The following NPHP4 variants were observed in gnomAD, a reference collection of about 807,000 sequenced individuals.
NPHP4 encodes the protein nephrocystin-4.
A neutral mutation model predicts 155.8 loss-of-function variants in NPHP4; 151 were observed. The observed-to-expected ratio is 0.97, with a 90% confidence interval of 0.85 to 1.11. NPHP4 has a LOEUF of 1.11. Ranked by LOEUF, NPHP4 falls within the 50% of genes least tolerant of loss-of-function variation. The pLI is 0.00. For missense variants in NPHP4, 1,956 were observed against 1,925.7 expected, an observed-to-expected ratio of 1.02 and a Z score of -0.29; for synonymous variants, 845 against 816.8, an observed-to-expected ratio of 1.03 and a Z score of -0.59.
chr1:5,982,695 T>A (rs1395340449), intron 2 of NPHP4, among the ~76,000 whole-genome samples: 1 of 152,260 alleles, frequency 6.6e-6, no homozygotes, highest in Non-Finnish European at 1.5e-5. Flanking sequence ...AAGCTATACA[T>A]TTCCCTCAAA....
chr1:5,893,285 C>T (rs11122104), intron 16 of NPHP4, among the ~76,000 whole-genome samples: 19,456 of 152,122 alleles, frequency 0.13, 1,454 homozygotes, highest in Non-Finnish European at 0.17. Context: ...GGGACCACTA[C>T]CACCAATGCG....
chr1:5,888,584 G>C (rs757143315), intron 17 of NPHP4: 1 of 1,350,770 alleles, frequency 7.4e-7, no homozygotes, highest in Non-Finnish European at 9.8e-7. Flanking sequence ...TCAGTCACTG[G>C]GAGACTGAGA....
chr1:5,934,287 G>A (rs569202912), intron 9 of NPHP4, among the ~76,000 whole-genome samples: 1 of 152,218 alleles, frequency 6.6e-6, no homozygotes, highest in African/African-American at 2.4e-5. Context: ...CAGCGGGTCC[G>A]ACCAGGAGCC....
intron 5 of NPHP4, among the ~76,000 whole-genome samples, chr1:5,964,941 A>ATATATATATATTTTTTTTTTTTTTTTTT: frequency 5.0e-5 from 3 of 59,416 alleles, no homozygotes; most frequent in African/African-American, 2.5e-4. Context: ...ATATATATAT[A>ATATATATATATTTTTTTTTTTTTTTTTT]TTTTTTTTTT....
chr1:5,867,545 C>T lies in NPHP4; in HGVS notation c.3472+195G>A. On this transcript the variant is annotated intron_variant, in intron 24 of 29. Coordinates refer to ENST00000378156, the MANE Select transcript of NPHP4 (RefSeq NM_015102.5). This position sits in a 1 kb window ranked among gnomAD's most constrained non-coding sequence, Gnocchi z 4.1. ...GCAGACTCAGCCGGCAAATGCGCAC[C>T]TAGTCATCTCAGAGGTGGCAAGAGG... The T allele has an allele frequency of 3.2e-6, 2 of 629,996 alleles. No individual in the cohort carries two copies. The highest frequency in any genetic ancestry group is 4.0e-5 in the South Asian group (2 of 50,216). The allele number at this position is 629,996 out of a possible 1,614,324, so 39.0% of individuals were successfully genotyped here.
intron 13 of NPHP4, among the ~76,000 whole-genome samples, chr1:5,906,361 G>A (rs1425236546): frequency 6.6e-6 from 1 of 152,242 alleles, no homozygotes; most frequent in Non-Finnish European, 1.5e-5. Flanking sequence ...TGGCTTGGGA[G>A]TTGGGAATGT....
chr1:5,869,246 CA>C (rs1641737159), intron 23 of NPHP4, among the ~76,000 whole-genome samples: 1 of 151,464 alleles, frequency 6.6e-6, no homozygotes, highest in Non-Finnish European at 1.5e-5. Context: ...CACACACACA[CA>C]CACACATGCA....
chr1:5,947,495 A>T (rs1050555472), intron 8 of NPHP4, among the ~76,000 whole-genome samples: 26 of 152,366 alleles, frequency 1.7e-4, no homozygotes, highest in African/African-American at 6.0e-4. Context: ...CTCCCGCCTC[A>T]GCCTCTCATT....
At chr1:5,933,066 A>G in intron 10 of NPHP4, 81 bp downstream of exon 10, 1 of 1,145,544 alleles carries the variant, frequency 8.7e-7, no homozygotes. Flanking sequence ...CTGCAAACAT[A>G]TTTGTGAACT....
chr1:5,947,886 G>A (rs576145287), intron 8 of NPHP4, among the ~76,000 whole-genome samples, 184 bp downstream of exon 8: 1 of 152,284 alleles, frequency 6.6e-6, no homozygotes, highest in East Asian at 1.9e-4. Context: ...AAAAAAAAGG[G>A]GGGGGCTTTT....
At chr1:5,888,729 G>A (rs748747349) in intron 17 of NPHP4, 9 of 693,592 alleles carry the variant, frequency 1.3e-5, no homozygotes, top group East Asian at 5.8e-5. Context: ...GGCCACTGGC[G>A]ACTGGTTTAA....
chr1:5,920,735 C>T (rs1345181980), intron 11 of NPHP4, among the ~76,000 whole-genome samples: 2 of 152,136 alleles, frequency 1.3e-5, no homozygotes, highest in Non-Finnish European at 2.9e-5. Context: ...TCTTTCTAAT[C>T]TTCTCATCTT....
intron 18 of NPHP4, among the ~76,000 whole-genome samples, chr1:5,886,047 C>A (rs1182635358): frequency 1.3e-5 from 2 of 152,236 alleles, no homozygotes; most frequent in Non-Finnish European, 2.9e-5. Context: ...TGGAGGCAAT[C>A]TTTCTTCTGA....
Position 5,867,733 on chromosome 1 carries a change from G to A in NPHP4, c.3472+7C>T, listed in dbSNP as rs778192521. On this transcript the variant is annotated splice_region_variant and intron_variant, in intron 24 of 29. Transcript: ENST00000378156. This position sits in a 1 kb window ranked among gnomAD's most constrained non-coding sequence, Gnocchi z 4.1. ...CATGTGGGCTGCAGGGTCAGTGCAGGACCTGCCTGGAAATGTGTGCCAGGG... is the reference window on the plus strand; with the variant it reads ...CATGTGGGCTGCAGGGTCAGTGCAGAACCTGCCTGGAAATGTGTGCCAGGG... The A allele has an allele frequency of 1.9e-6, 3 of 1,608,378 alleles. No homozygotes were observed. The highest frequency in any genetic ancestry group is 2.7e-5 in the African/African-American group (2 of 75,042).
In NPHP4 at chr1:5,975,240, T is replaced by C. The variant is rs182421815; in HGVS notation, c.279+3030A>G. 4.3e-3 allele frequency among the ~76,000 whole-genome samples: 652 copies of C among 152,322 alleles called. 7 individuals carry two copies. Among genetic ancestry groups the C allele is most frequent in the African/African-American group, 0.015 (605 of 41,562 alleles). ...CAGTTAAATAACTAGTTAACTAAGC[T>C]GGAACAAAACCTTTGCTCTGTATGA... is the stretch of plus-strand genomic sequence containing the variant. On this transcript the variant is annotated intron_variant, in intron 3 of 29. Transcript: ENST00000378156.
rs1325078862 is a variant in NPHP4, at chr1:5,875,019, T to C, written c.2899A>G (p.Ile967Val). Reference sequence around the variant, plus strand: ...ATGGCCAGGCTCAGCAGGCTGGCGATGCTCTCGGCCTTCGTGCGTTCCCGG... The same window carrying C: ...ATGGCCAGGCTCAGCAGGCTGGCGACGCTCTCGGCCTTCGTGCGTTCCCGG... ...AYRERTKAES[I>V]ASLLSLAITT... The change falls in exon 21 of 30, where the codon ATC becomes GTC. Residue 967 changes from isoleucine to valine, a missense_variant. Transcript: ENST00000378156. 2 of 1,611,146 alleles carry C rather than the reference T, an allele frequency of 1.2e-6. No homozygotes were observed. Among genetic ancestry groups the C allele is most frequent in the South Asian group, 1.1e-5 (1 of 91,060 alleles).
intron 2 of NPHP4, among the ~76,000 whole-genome samples, chr1:5,979,321 G>C (rs796277343): frequency 1.3e-5 from 2 of 149,166 alleles, no homozygotes; most frequent in African/African-American, 2.4e-5. Context: ...AGAACGGGGA[G>C]AGAGGTGGGT....
At chr1:5,975,097 C>G (rs1042857990) in intron 3 of NPHP4, among the ~76,000 whole-genome samples, 2 of 152,152 alleles carry the variant, frequency 1.3e-5, no homozygotes, top group Non-Finnish European at 2.9e-5. Context: ...AGACAGGGTG[C>G]GAACATGCTG....
At chr1:5,886,937 G>T (rs527556648) in intron 18 of NPHP4, 2 of 238,380 alleles carry the variant, frequency 8.4e-6, no homozygotes, top group African/African-American at 4.5e-5. Context: ...CACTTCCCTT[G>T]TCTGTCCTCC....
Sources: gnomAD v4.1 joint callset for allele counts (sites outside exome capture counted in the v4.1 genomes callset) on GRCh38, gnomAD v4.1.1 for gene constraint, Gnocchi (gnomAD v3.1) non-coding constraint, MANE v1.5 for transcripts, NCBI Gene and HGNC (gene_info 2026-07-23, HGNC 2026-07-21) for gene names.